The following KLHL26 variants were observed in gnomAD, a reference collection of about 807,000 sequenced individuals.
The protein encoded by KLHL26 is kelch-like protein 26.
A neutral mutation model predicts 7.1 loss-of-function variants in KLHL26; 4 were observed. The observed-to-expected ratio is 0.56, with a 90% CI of 0.28 to 1.28. KLHL26 has a LOEUF of 1.28. Ranked by LOEUF, KLHL26 falls within the 50% of genes most tolerant of loss-of-function variation. The pLI is 0.11. For missense variants in KLHL26, 896 were observed against 924.6 expected (o/e 0.97, Z 0.40); for synonymous variants, 465 against 414.1 (o/e 1.12, Z -1.49).
Position 18,661,423 on chromosome 19 carries a change from C to G in KLHL26, c.84-2838C>G, listed in dbSNP as rs995092747. Among the ~76,000 whole-genome samples, 14 of 152,188 alleles carry G rather than the reference C, an allele frequency of 9.2e-5. 1 individual carries two copies. The highest frequency in any genetic ancestry group is 9.2e-4 in the Admixed American group (14 of 15,278). ...GGGAGGTCCTCTCTGTCCAACTTCT[C>G]AGTTCTCCAGATATGTTCTGTGCAC... On this transcript the variant is annotated intron_variant, in intron 1 of 2. Coordinates refer to ENST00000300976, the MANE Select transcript of KLHL26 (RefSeq NM_018316.3).
chr19:18,663,995 C>T (rs2052417814), intron 1 of KLHL26, among the ~76,000 whole-genome samples: 1 of 152,074 alleles, frequency 6.6e-6, no homozygotes, highest in South Asian at 2.1e-4. Context: ...GCAAACACCA[C>T]CTCTGTCTAG....
intron 1 of KLHL26, among the ~76,000 whole-genome samples, chr19:18,663,873 T>C (rs1349335011): frequency 6.6e-6 from 1 of 152,072 alleles, no homozygotes. Context: ...TGCAGGGGAC[T>C]TGAGAAGGCT....
chr19:18,668,468 C>A lies in KLHL26; in HGVS notation c.1071C>A (p.Ala357=), dbSNP rs758989708. Residue 357 remains alanine (A), a synonymous_variant, in exon 3 of 3, where the codon GCC becomes GCA. Coordinates refer to ENST00000300976, the MANE Select transcript of KLHL26 (RefSeq NM_018316.3). ...MEVGCSHTCV[A]VLDNFVYVAG... ...TAGGCTGCAGCCACACGTGCGTGGC[C>A]GTGCTGGACAATTTTGTGTACGTGG... The A allele has an allele frequency of 1.2e-6, 2 of 1,610,424 alleles. No homozygotes were observed. Among genetic ancestry groups the A allele is most frequent in the Non-Finnish European group, 1.7e-6 (2 of 1,179,454 alleles).
chr19:18,639,403 G>GTTTT lies in KLHL26; in HGVS notation c.83+2289_83+2292dup, dbSNP rs34034254. Reference sequence around the variant, plus strand: ...TTCACTCATTTTAATTTATCATTAAGTTTTTTTTTTTTTTTTTTTTTTTTT... The same window carrying GTTTT: ...TTCACTCATTTTAATTTATCATTAAGTTTTTTTTTTTTTTTTTTTTTTTTTTTTT... On this transcript the variant is annotated intron_variant, in intron 1 of 2. Coordinates refer to ENST00000300976, the MANE Select transcript of KLHL26 (RefSeq NM_018316.3). Among the ~76,000 whole-genome samples the GTTTT allele has an allele frequency of 2.7e-4, 19 of 71,226 alleles. 1 individual carries two copies. The highest frequency in any genetic ancestry group is 2.0e-3 in the East Asian group (4 of 2,028). 46.7% of individuals were successfully genotyped at this position (71,226 alleles called of 152,430 possible).
At chr19:18,661,529 C>T (rs571721281) in intron 1 of KLHL26, among the ~76,000 whole-genome samples, 3 of 152,284 alleles carry the variant, frequency 2.0e-5, no homozygotes, top group African/African-American at 7.2e-5. Flanking sequence ...CTTCCTCCTG[C>T]AGCCTTGACG....
At chr19:18,660,725 C>G (rs1285210724) in intron 1 of KLHL26, among the ~76,000 whole-genome samples, 1 of 152,174 alleles carries the variant, frequency 6.6e-6, no homozygotes, top group Admixed American at 6.5e-5. Context: ...TTGAGTTCCC[C>G]AGGAGGGGCT....
rs201472860 is a variant in KLHL26, at chr19:18,668,939, G to A, written c.1542G>A (p.Gly514=). The A allele has an allele frequency of 2.2e-5, 36 of 1,609,742 alleles. No homozygotes were observed. The highest frequency in any genetic ancestry group is 2.9e-5 in the Non-Finnish European group (34 of 1,179,878). Reference sequence around the variant, plus strand: ...CCGGCGGCCGCATCTATGCCCTCGGGGGCCGCATGGACCACGTGGACCGCT... The same window carrying A: ...CCGGCGGCCGCATCTATGCCCTCGGAGGCCGCATGGACCACGTGGACCGCT... ...VGAGGRIYAL[G]GRMDHVDRCF... The change falls in exon 3 of 3, where the codon GGG becomes GGA. Residue 514 remains glycine (G), a synonymous_variant. Transcript: ENST00000300976.
At chr19:18,653,977 A>C (rs1600695917) in intron 1 of KLHL26, among the ~76,000 whole-genome samples, 1 of 31,038 alleles carries the variant, frequency 3.2e-5, no homozygotes, top group Non-Finnish European at 5.9e-5. Flanking sequence ...CCACCCATCC[A>C]CCCACGCTTC....
At position 18,668,004 on chromosome 19, in the gene KLHL26, C is replaced by T. The variant is rs559660346; in HGVS notation, c.607C>T (p.Arg203Cys). 3.6e-5 allele frequency: 58 copies of T among 1,608,250 alleles called. No homozygotes were observed. The highest frequency in any genetic ancestry group is 2.7e-4 in the South Asian group (25 of 91,092). ...GATCGCCGAGGAGGAGGATTTCCTG[C>T]GCCTGCCACTGGAGCGCCTGGTCTT... ...LQIAEEEDFL[R>C]LPLERLVFFL... The change falls in exon 3 of 3, where the codon CGC becomes TGC. Residue 203 changes from arginine (R) to cysteine (C), a missense_variant. By Grantham distance (180) the Arg-to-Cys change is radical. Coordinates refer to ENST00000300976, the MANE Select transcript of KLHL26 (RefSeq NM_018316.3).
chr19:18,655,500 T>C (rs763589499), intron 1 of KLHL26, among the ~76,000 whole-genome samples: 1 of 152,240 alleles, frequency 6.6e-6, no homozygotes, highest in Non-Finnish European at 1.5e-5. Context: ...GTGGCCGAAC[T>C]TCTCTGTGCC....
rs528604281 is a variant in KLHL26, at chr19:18,664,263, C to T, written c.86C>T (p.Thr29Met). 9 of 1,595,654 alleles carry T rather than the reference C, an allele frequency of 5.6e-6. No homozygotes were observed. The highest frequency in any genetic ancestry group is 4.5e-5 in the South Asian group (4 of 88,808). ...AGPGPERPNS[T>M]ADKNGALKCT... is the part of the protein sequence containing the mutation. The stretch of plus-strand genomic sequence containing the variant: ...CCCCACCTCTGCTTTCCCCGCAGCA[C>T]GGCCGACAAGAACGGGGCCCTCAAG... Residue 29 changes from threonine (T) to methionine (M), a missense_variant and splice_region_variant, in exon 2 of 3, where the codon ACG (threonine) becomes ATG (methionine). By Grantham distance (81) the Thr-to-Met change is moderately conservative. Coordinates refer to ENST00000300976, the MANE Select transcript of KLHL26 (RefSeq NM_018316.3).
intron 1 of KLHL26, among the ~76,000 whole-genome samples, chr19:18,645,951 T>C (rs1976795540): frequency 6.6e-6 from 1 of 152,100 alleles, no homozygotes; most frequent in Non-Finnish European, 1.5e-5. Flanking sequence ...TGGGTGGCCT[T>C]TGCCTGTTGA....
intron 2 of KLHL26, among the ~76,000 whole-genome samples, chr19:18,665,063 T>G (rs1241599169): frequency 2.0e-5 from 3 of 150,954 alleles, no homozygotes; most frequent in Non-Finnish European, 4.4e-5. Flanking sequence ...CTGTTTTGTT[T>G]TTTTTTTTTT....
chr19:18,641,068 G>C (rs1369254456), intron 1 of KLHL26, among the ~76,000 whole-genome samples: 2 of 152,014 alleles, frequency 1.3e-5, no homozygotes, highest in Non-Finnish European at 2.9e-5. Flanking sequence ...GCCCAGGCTG[G>C]AGTGCGATGG....
chr19:18,647,600 G>A (rs1416216701), intron 1 of KLHL26, among the ~76,000 whole-genome samples: 1 of 151,044 alleles, frequency 6.6e-6, no homozygotes, highest in African/African-American at 2.4e-5. Flanking sequence ...GGAGGAAGAG[G>A]AGGAGGAGAA....
At position 18,637,039 on chromosome 19, in the gene KLHL26, C is replaced by A; in HGVS notation, c.-16C>A. ...GCGCGGCTCCCGTCACTCGAACGCG[C>A]GACGGCGGGGGGAAGATGGCGGAGT... On this transcript the variant is annotated 5_prime_UTR_variant, in exon 1 of 3. Coordinates refer to ENST00000300976, the MANE Select transcript of KLHL26 (RefSeq NM_018316.3). The A allele has an allele frequency of 1.5e-6, 2 of 1,316,222 alleles. No individual in the cohort carries two copies. The highest frequency in any genetic ancestry group is 2.0e-6 in the Non-Finnish European group (2 of 1,021,242). The allele number at this position is 1,316,222 out of a possible 1,614,324, so 81.5% of individuals were successfully genotyped here. A position where few individuals can be genotyped will look rare whatever the true frequency, so the allele number is the denominator to read the frequency against.
Position 18,667,870 on chromosome 19 carries a change from C to A in KLHL26, c.473C>A (p.Ala158Glu). Reference protein sequence around the residue: ...VVELCEEFLKAAMSVETCLNI... With the variant: ...VVELCEEFLKEAMSVETCLNI... ...GAGCTGTGCGAGGAGTTCCTGAAGG[C>A]GGCCATGAGCGTGGAGACCTGCCTC... Residue 158 changes from alanine to glutamate, a missense_variant, in exon 3 of 3, where the codon GCG (alanine) becomes GAG (glutamate). Coordinates refer to ENST00000300976, the MANE Select transcript of KLHL26 (RefSeq NM_018316.3). 6.2e-7 allele frequency: 1 copy of A among 1,612,724 alleles called. No homozygotes were observed. The highest frequency in any genetic ancestry group is 1.7e-5 in the Admixed American group (1 of 60,016).
At chr19:18,638,708 T>C (rs2145365714) in intron 1 of KLHL26, among the ~76,000 whole-genome samples, 1 of 152,288 alleles carries the variant, frequency 6.6e-6, no homozygotes, top group East Asian at 1.9e-4. Flanking sequence ...TTTTTATTTT[T>C]TTGAAACCCC....
Position 18,646,694 on chromosome 19 carries a change from TG to T in KLHL26, c.83+9561del, listed in dbSNP as rs754533527. On this transcript the variant is annotated intron_variant, in intron 1 of 2. Transcript: ENST00000300976. The surrounding 1 kb of genome is among the most constrained non-coding windows in gnomAD (Gnocchi z 5.0). ...ACTGTGGCAGTGCTGACGCCCATGA[TG>T]GGGACACTGCCATCCTTCTGCCCGC... 5.9e-5 allele frequency among the ~76,000 whole-genome samples: 9 copies of T among 152,082 alleles called. No individual in the cohort carries two copies. Among genetic ancestry groups the T allele is most frequent in the Non-Finnish European group, 1.0e-4 (7 of 67,996 alleles).
Sources: gnomAD v4.1 joint callset for allele counts (sites outside exome capture counted in the v4.1 genomes callset) on GRCh38, gnomAD v4.1.1 for gene constraint, Gnocchi (gnomAD v3.1) non-coding constraint, MANE v1.5 for transcripts, NCBI Gene and HGNC (gene_info 2026-07-23, HGNC 2026-07-21) for gene names.